Variants in CNGA4 observed in about 807,000 individuals in gnomAD.
CNGA4 encodes the protein cyclic nucleotide gated channel subunit alpha 4.
CNGA4 carries 32 observed loss-of-function variants against 45.6 expected under a neutral mutation model. The observed-to-expected ratio is 0.70, with a 90% CI of 0.53 to 0.94. CNGA4 has a LOEUF of 0.94. CNGA4 is among the 40% of genes least tolerant of loss of function. The pLI is 0.00. For synonymous variants in CNGA4, 293 were observed against 304.6 expected, an observed-to-expected ratio of 0.96 and a Z score of 0.40; for missense variants, 726 against 755.1, an observed-to-expected ratio of 0.96 and a Z score of 0.45.
Position 6,240,555 on chromosome 11 carries a change from C to T in CNGA4, c.761C>T (p.Ala254Val), listed in dbSNP as rs1276760455. 1 of 1,614,232 alleles carries T rather than the reference C, an allele frequency of 6.2e-7. No homozygotes were observed. Among genetic ancestry groups the T allele is most frequent in the Non-Finnish European group, 8.5e-7 (1 of 1,180,038 alleles). Residue 254 changes from alanine to valine, a missense_variant, in exon 4 of 6, where the codon GCC becomes GTC. Transcript: ENST00000379936. This position sits in a 1 kb window ranked among gnomAD's most constrained non-coding sequence, Gnocchi z 4.9. ...TTCATGGTGGGCGACTTCCTGCTGGCCGTCATGGGTTTCGCCACCATCATG... is the reference window on the plus strand; with the variant it reads ...TTCATGGTGGGCGACTTCCTGCTGGTCGTCATGGGTTTCGCCACCATCATG... The part of the protein sequence containing the change: ...YLFMVGDFLL[A>V]VMGFATIMGS...
chr11:6,244,084 G>A lies in CNGA4; in HGVS notation c.1403G>A (p.Gly468Glu). ...PQAQTIMEEK[G>E]REILLKMNKL... ...GCACAGACCATCATGGAGGAGAAAG[G>A]ACGTGAGATCCTGCTGAAAATGAAC... is the stretch of plus-strand genomic sequence containing the variant. The change falls in exon 6 of 6, where the codon GGA (glycine) becomes GAA (glutamate). Residue 468 changes from glycine (G) to glutamate (E), a missense_variant. Coordinates refer to ENST00000379936, the MANE Select transcript of CNGA4 (RefSeq NM_001037329.4). The surrounding 1 kb of genome is among the most constrained non-coding windows in gnomAD (Gnocchi z 4.5). The A allele has an allele frequency of 6.2e-7, 1 of 1,614,212 alleles. No individual in the cohort carries two copies. Among genetic ancestry groups the A allele is most frequent in the Non-Finnish European group, 8.5e-7 (1 of 1,180,042 alleles).
upstream of CNGA4, chr11:6,235,371 G>A: frequency 1.7e-6 from 1 of 584,386 alleles, no homozygotes; most frequent in Non-Finnish European, 2.2e-6. Context: ...GTGCCTGCAT[G>A]CCCAGCTGGA....
upstream of CNGA4, among the ~76,000 whole-genome samples, chr11:6,236,326 AT>A (rs1413881001): frequency 6.6e-6 from 1 of 152,202 alleles, no homozygotes; most frequent in Non-Finnish European, 1.5e-5. Flanking sequence ...TTTAGATTTT[AT>A]TTTTGGGATG....
upstream of CNGA4, among the ~76,000 whole-genome samples, chr11:6,235,177 C>T (rs768796385): frequency 6.6e-6 from 1 of 152,260 alleles, no homozygotes; most frequent in African/African-American, 2.4e-5. Context: ...TGGGCCGGGC[C>T]TGCGGAAAAG....
rs1847878734 is a variant in CNGA4, at chr11:6,239,475, C to T, written c.154C>T (p.Leu52Phe). ...CCCAGTCATGTATAACCTCATCATC[C>T]TCGTGTGCAGGTATGGCAGCGGTGC... ...VFPVMYNLII[L>F]VCRACFPDLQ... is the part of the protein sequence containing the mutation. The change falls in exon 2 of 6, where the codon CTC (leucine) becomes TTC (phenylalanine). Residue 52 changes from leucine (L) to phenylalanine (F), a missense_variant. Transcript: ENST00000379936. The T allele has an allele frequency of 5.0e-6, 8 of 1,613,998 alleles. No homozygotes were observed. In the African/African-American group the frequency reaches 5.3e-5, roughly 11 times the overall value.
In CNGA4 at chr11:6,244,220, C is replaced by T; in HGVS notation, c.1539C>T (p.Arg513=). 6.2e-7 allele frequency: 1 copy of T among 1,614,248 alleles called. No individual in the cohort carries two copies. The highest frequency in any genetic ancestry group is 8.5e-7 in the Non-Finnish European group (1 of 1,180,042). Residue 513 remains arginine (R), a synonymous_variant, in exon 6 of 6, where the codon CGC becomes CGT. Transcript: ENST00000379936. This position sits in a 1 kb window ranked among gnomAD's most constrained non-coding sequence, Gnocchi z 4.5. ...ATGATCTACAGACCAAGTTTGCTCG[C>T]CTCCTGGCTGAGCTGGAGTCCAGCG... ...QLDDLQTKFA[R]LLAELESSAL...
intron 5 of CNGA4, among the ~76,000 whole-genome samples, chr11:6,242,781 G>A (rs1847935801): frequency 6.6e-6 from 1 of 152,216 alleles, no homozygotes; most frequent in Non-Finnish European, 1.5e-5. Context: ...CATACAGCAA[G>A]TGTTCAACAA....
chr11:6,244,333 AGGG>A lies in CNGA4; in HGVS notation c.1653_1655del (p.Glu551_Gly552delinsAsp), dbSNP rs748103352. 5.6e-5 allele frequency: 91 copies of A among 1,614,106 alleles called. No homozygotes were observed. In the South Asian group the frequency reaches 9.9e-4, roughly 18 times the overall value. On this transcript the variant is annotated inframe_deletion, in exon 6 of 6. Coordinates refer to ENST00000379936, the MANE Select transcript of CNGA4 (RefSeq NM_001037329.4). The surrounding 1 kb of genome is among the most constrained non-coding windows in gnomAD (Gnocchi z 4.5). ...GAGGACCTGGCTGAGGCTGATGACG[AGGG>A]TGAGCCTGAGGAGGGAACTTCCAAA... is the stretch of plus-strand genomic sequence containing the variant.
upstream of CNGA4, chr11:6,234,997 G>A (rs1847807813): frequency 6.5e-6 from 1 of 153,096 alleles, no homozygotes; most frequent in Non-Finnish European, 1.5e-5. Flanking sequence ...CTAAGGAGAG[G>A]CGATTTTTAC....
intron 2 of CNGA4, 99 bp downstream of exon 2, chr11:6,239,584 TC>T: frequency 6.4e-7 from 1 of 1,552,442 alleles, no homozygotes; most frequent in Non-Finnish European, 8.9e-7. Flanking sequence ...GAGGAGCAAT[TC>T]CCATGGGAGG....
chr11:6,244,093 T>C lies in CNGA4; in HGVS notation c.1412T>C (p.Ile471Thr). 6.2e-7 allele frequency: 1 copy of C among 1,614,116 alleles called. No homozygotes were observed. Among genetic ancestry groups the C allele is most frequent in the Non-Finnish European group, 8.5e-7 (1 of 1,180,022 alleles). Reference protein sequence around the residue: ...QTIMEEKGREILLKMNKLDVN... With the variant: ...QTIMEEKGRETLLKMNKLDVN... ...ATCATGGAGGAGAAAGGACGTGAGA[T>C]CCTGCTGAAAATGAACAAGTTGGAC... Residue 471 changes from isoleucine to threonine, a missense_variant, in exon 6 of 6, where the codon ATC becomes ACC. Physicochemically the swap from Ile to Thr is moderately conservative, Grantham distance 89. Coordinates refer to ENST00000379936, the MANE Select transcript of CNGA4 (RefSeq NM_001037329.4). The surrounding 1 kb of genome is among the most constrained non-coding windows in gnomAD (Gnocchi z 4.5).
chr11:6,237,474 A>C (rs1034431497), upstream of CNGA4, among the ~76,000 whole-genome samples: 1 of 152,094 alleles, frequency 6.6e-6, no homozygotes, highest in Non-Finnish European at 1.5e-5. Flanking sequence ...TATATGAGAA[A>C]GGAAGTCCTG....
chr11:6,235,638 T>A, upstream of CNGA4: 1 of 804,726 alleles, frequency 1.2e-6, no homozygotes, highest in Non-Finnish European at 1.5e-6. Flanking sequence ...ATAAGGCATG[T>A]AGTTTTAAAA....
rs764661626 is a variant in CNGA4 at position 6,240,048 on chromosome 11, C to G, written c.272-18C>G. ...TTGACTACAGCAGGTCCGCTTCCTA[C>G]CGGCTCCCTCTCCCCAGGATTCTTG... On this transcript the variant is annotated intron_variant, in intron 3 of 5. Coordinates refer to ENST00000379936, the MANE Select transcript of CNGA4 (RefSeq NM_001037329.4). The surrounding 1 kb of genome is among the most constrained non-coding windows in gnomAD (Gnocchi z 4.9). 1.3e-6 allele frequency: 2 copies of G among 1,588,336 alleles called. No individual in the cohort carries two copies. The highest frequency in any genetic ancestry group is 2.7e-5 in the African/African-American group (2 of 74,312).
At position 6,244,413 on chromosome 11, in the gene CNGA4, C is replaced by A. The variant is rs1847964579; in HGVS notation, c.*4C>A. Reference sequence around the variant, plus strand: ...GGGACCCCCAGGTCCAGAGTGACCCCATCCCCATCCCCAGGATTCCCACCT... The same window carrying A: ...GGGACCCCCAGGTCCAGAGTGACCCAATCCCCATCCCCAGGATTCCCACCT... On this transcript the variant is annotated 3_prime_UTR_variant, in exon 6 of 6. Transcript: ENST00000379936. This position sits in a 1 kb window ranked among gnomAD's most constrained non-coding sequence, Gnocchi z 4.5. 1 of 1,599,048 alleles carries A rather than the reference C, an allele frequency of 6.3e-7. No homozygotes were observed. Among genetic ancestry groups the A allele is most frequent in the Admixed American group, 1.7e-5 (1 of 57,700 alleles).
At position 6,239,409 on chromosome 11, in the gene CNGA4, T is replaced by C; in HGVS notation, c.88T>C (p.Ser30Pro). ...ARKLLPVLDP[S>P]GDYYYWWLNT... Reference sequence around the variant, plus strand: ...GAAGTTGCTGCCTGTCCTGGACCCATCTGGGGATTACTACTACTGGTGGCT... The same window carrying C: ...GAAGTTGCTGCCTGTCCTGGACCCACCTGGGGATTACTACTACTGGTGGCT... The change falls in exon 2 of 6, where the codon TCT becomes CCT. Residue 30 changes from serine (S) to proline (P), a missense_variant. By Grantham distance (74) the Ser-to-Pro change is moderately conservative. Coordinates refer to ENST00000379936, the MANE Select transcript of CNGA4 (RefSeq NM_001037329.4). 1 of 1,614,196 alleles carries C rather than the reference T, an allele frequency of 6.2e-7. No individual in the cohort carries two copies.
At chr11:6,241,385 G>A (rs1306289154) in intron 4 of CNGA4, 46 bp from the exon 5 acceptor site, 1 of 1,455,538 alleles carries the variant, frequency 6.9e-7, no homozygotes, top group East Asian at 2.3e-5. Context: ...GATGGAGGCA[G>A]GCACATAAAG....
chr11:6,238,953 TAG>T, upstream of CNGA4: 6 of 1,080,282 alleles, frequency 5.6e-6, no homozygotes, highest in Non-Finnish European at 7.5e-6. Flanking sequence ...GGGATCTCAT[TAG>T]AGGTGTTTAG....
upstream of CNGA4, chr11:6,238,945 G>T: frequency 1.0e-6 from 1 of 957,288 alleles, no homozygotes; most frequent in Admixed American, 3.5e-5. Flanking sequence ...CTTCTCCAGG[G>T]ATCTCATTAG....
Sources: gnomAD v4.1 joint callset for allele counts (sites outside exome capture counted in the v4.1 genomes callset) on GRCh38, gnomAD v4.1.1 for gene constraint, Gnocchi (gnomAD v3.1) non-coding constraint, MANE v1.5 for transcripts, NCBI Gene and HGNC (gene_info 2026-07-23, HGNC 2026-07-21) for gene names.